The following SCUBE1 variants were observed in gnomAD, a reference collection of about 807,000 sequenced individuals.
SCUBE1 encodes signal peptide, CUB domain and EGF like domain containing 1, also known as signal peptide, CUB and EGF-like domain-containing protein 1.
Under a neutral mutation model 124.4 loss-of-function variants are expected in SCUBE1, and 59 were observed. The observed-to-expected ratio is 0.47, with a 90% confidence interval of 0.38 to 0.59. The LOEUF (loss-of-function observed/expected upper bound fraction) is 0.59, where lower values mean the gene tolerates loss of function less well. Ranked by LOEUF, SCUBE1 falls within the 20% of genes least tolerant of loss-of-function variation. The pLI is 0.00. For synonymous variants in SCUBE1, 545 were observed against 550.9 expected (o/e 0.99, Z 0.15); for missense variants, 1,150 against 1,371.2 (o/e 0.84, Z 2.55).
At chr22:43,230,436 G>T (rs1009550570) in intron 8 of SCUBE1, among the ~76,000 whole-genome samples, 5 of 152,100 alleles carry the variant, frequency 3.3e-5, no homozygotes, top group African/African-American at 1.2e-4. Flanking sequence ...AGCCTGGAAG[G>T]GGGTGGAAAA....
chr22:43,212,683 C>T, intron 16 of SCUBE1, 91 bp from the exon 17 acceptor site: 2 of 1,402,880 alleles, frequency 1.4e-6, no homozygotes, highest in Non-Finnish European at 1.9e-6. Flanking sequence ...TGGCCCTTGC[C>T]CGGCCCTGGA....
At chr22:43,271,914 G>A (rs1403386008) in intron 4 of SCUBE1, among the ~76,000 whole-genome samples, 3 of 152,126 alleles carry the variant, frequency 2.0e-5, no homozygotes, top group Admixed American at 1.3e-4. Flanking sequence ...AGCACTCACC[G>A]GACAGGTGAG....
At chr22:43,271,856 C>T (rs557263793) in intron 4 of SCUBE1, among the ~76,000 whole-genome samples, 1 of 152,304 alleles carries the variant, frequency 6.6e-6, no homozygotes, top group Non-Finnish European at 1.5e-5. Flanking sequence ...GGGCTCTTTG[C>T]AAACATTCCT....
In SCUBE1 at chr22:43,209,504, T is replaced by C. The variant is rs575944409; in HGVS notation, c.2581+539A>G. Among the ~76,000 whole-genome samples the C allele has an allele frequency of 5.9e-5, 9 of 152,238 alleles. No individual in the cohort carries two copies. The South Asian group carries it at 1.9e-3, about 32-fold the overall frequency. Reference sequence around the variant, plus strand: ...TCCAGTCCTCTCTCATGCCATTCCATCCTTCACTCCCTAAAGTCTCAAGAG... The same window carrying C: ...TCCAGTCCTCTCTCATGCCATTCCACCCTTCACTCCCTAAAGTCTCAAGAG... On this transcript the variant is annotated intron_variant, in intron 19 of 21. Transcript: ENST00000360835.
intron 7 of SCUBE1, among the ~76,000 whole-genome samples, chr22:43,235,637 A>G (rs955327790): frequency 2.0e-5 from 3 of 152,142 alleles, no homozygotes; most frequent in Non-Finnish European, 4.4e-5. Flanking sequence ...AGGGAAATGC[A>G]GGCTCCCGCT....
chr22:43,243,594 G>A (rs1044068413), intron 6 of SCUBE1, among the ~76,000 whole-genome samples: 4 of 152,212 alleles, frequency 2.6e-5, no homozygotes, highest in African/African-American at 9.6e-5. Flanking sequence ...TGCTTACGCC[G>A]CCCCAGGTCT....
At chr22:43,280,313 G>A (rs921205880) in intron 4 of SCUBE1, among the ~76,000 whole-genome samples, 1 of 151,800 alleles carries the variant, frequency 6.6e-6, no homozygotes, top group South Asian at 2.1e-4. Flanking sequence ...AACAGGCCTC[G>A]CTGAAGTGTA....
At chr22:43,288,504 G>A (rs895118919) in intron 4 of SCUBE1, among the ~76,000 whole-genome samples, 6 of 152,004 alleles carry the variant, frequency 3.9e-5, no homozygotes, top group Non-Finnish European at 8.8e-5. Flanking sequence ...GGCTCCTCCC[G>A]CTTCGTGCTC....
At chr22:43,204,511 T>C (rs1296456389) in intron 21 of SCUBE1, among the ~76,000 whole-genome samples, 2 of 152,024 alleles carry the variant, frequency 1.3e-5, no homozygotes, top group Non-Finnish European at 2.9e-5. Flanking sequence ...GTTGGCCAGC[T>C]TGGTCTCAGG....
intron 3 of SCUBE1, among the ~76,000 whole-genome samples, chr22:43,302,509 C>T (rs796356159): frequency 5.3e-5 from 8 of 152,256 alleles, no homozygotes; most frequent in African/African-American, 1.9e-4. Context: ...GGCTGGGGCC[C>T]CTGCTCAGAG....
chr22:43,280,081 G>T (rs1168578722), intron 4 of SCUBE1, among the ~76,000 whole-genome samples: 1 of 152,122 alleles, frequency 6.6e-6, no homozygotes, highest in Non-Finnish European at 1.5e-5. Context: ...GGTGGGCAGC[G>T]GCCCTCTGCA....
At chr22:43,262,257 A>C (rs1260703978) in intron 5 of SCUBE1, among the ~76,000 whole-genome samples, 2 of 152,202 alleles carry the variant, frequency 1.3e-5, no homozygotes, top group Admixed American at 6.5e-5. Flanking sequence ...GCCTCCCAAG[A>C]AGCTGGGACT....
Position 43,210,851 on chromosome 22 carries a change from C to A in SCUBE1, c.2383+71G>T. The A allele has an allele frequency of 6.4e-7, 1 of 1,565,620 alleles. No individual in the cohort carries two copies. The highest frequency in any genetic ancestry group is 8.8e-7 in the Non-Finnish European group (1 of 1,141,238). On this transcript the variant is annotated intron_variant, in intron 18 of 21. Transcript: ENST00000360835. The surrounding 1 kb of genome is among the most constrained non-coding windows in gnomAD (Gnocchi z 4.5). ...GTGGAGCTCGTGTGAGATCAGGTCT[C>A]CTCCCGCCCCCACAACCTGCCCAGC...
chr22:43,214,047 GCCCACCCCCCACC>G, intron 16 of SCUBE1, 30 bp downstream of exon 16: 3 of 143,414 alleles, frequency 2.1e-5, no homozygotes, highest in Non-Finnish European at 3.9e-5. Context: ...AGGAGCCCCC[GCCCACCCCCCACC>G]CCCACCTCTC....
Position 43,258,138 on chromosome 22 carries a change from G to C in SCUBE1, c.727+81C>G. 1.0e-6 allele frequency: 1 copy of C among 964,256 alleles called. No homozygotes were observed. The highest frequency in any genetic ancestry group is 1.7e-6 in the Non-Finnish European group (1 of 601,106). The allele number at this position is 964,256 out of a possible 1,614,324, so 59.7% of individuals were successfully genotyped here. A position where few individuals can be genotyped will look rare whatever the true frequency, so the allele number is the denominator to read the frequency against. ...CTTCCGGGGAACCCGGACGTGGCAG[G>C]GTGCTGGCCCTGCTGGTGCACGCAT... On this transcript the variant is annotated intron_variant, in intron 6 of 21. Transcript: ENST00000360835. This position sits in a 1 kb window ranked among gnomAD's most constrained non-coding sequence, Gnocchi z 5.0.
Position 43,270,955 on chromosome 22 carries a change from AC to A in SCUBE1, c.485-8111del, listed in dbSNP as rs59359101. 9.2e-3 allele frequency among the ~76,000 whole-genome samples: 1,398 copies of A among 152,264 alleles called. 23 individuals are homozygous for A. Among genetic ancestry groups the A allele is most frequent in the African/African-American group, 0.032 (1,339 of 41,550 alleles). On this transcript the variant is annotated intron_variant, in intron 4 of 21. Transcript: ENST00000360835. ...CCCCTGCCACCTGCCTCTCCAGCTGACTTGTCCTTCTTCGAGCCCTGGGTGA... is the reference window on the plus strand; with the variant it reads ...CCCCTGCCACCTGCCTCTCCAGCTGATTGTCCTTCTTCGAGCCCTGGGTGA...
In SCUBE1 at chr22:43,238,615, G is replaced by A. The variant is rs574657471; in HGVS notation, c.844+223C>T. 2.4e-4 allele frequency: 153 copies of A among 630,682 alleles called. 1 individual carries two copies. Among genetic ancestry groups the A allele is most frequent in the Non-Finnish European group, 3.5e-4 (120 of 341,372 alleles). 39.1% of individuals were successfully genotyped at this position (630,682 alleles called of 1,614,324 possible). A position where few individuals can be genotyped will look rare whatever the true frequency, so the allele number is the denominator to read the frequency against. On this transcript the variant is annotated intron_variant, in intron 7 of 21. Transcript: ENST00000360835. ...TGGCCCAGGAACCTGCTGATGTGCC[G>A]TGGGACCTGTGTTCTCTCGAACTCT... is the stretch of plus-strand genomic sequence containing the variant.
intron 4 of SCUBE1, chr22:43,282,511 T>A (rs1252576171): frequency 6.6e-6 from 1 of 152,150 alleles, no homozygotes; most frequent in Non-Finnish European, 1.5e-5. Context: ...TGGGCCCAGA[T>A]GACGCTGCCA....
chr22:43,215,781 A>G (rs1017361997), intron 15 of SCUBE1, among the ~76,000 whole-genome samples: 2 of 152,146 alleles, frequency 1.3e-5, no homozygotes, highest in African/African-American at 4.8e-5. Flanking sequence ...GGAGGGTGAC[A>G]TGTCTTTCTG....
Sources: allele counts gnomAD v4.1 joint callset (sites outside exome capture counted in the v4.1 genomes callset), GRCh38; gene constraint gnomAD v4.1.1; non-coding constraint Gnocchi (gnomAD v3.1); transcripts MANE v1.5; gene names NCBI Gene and HGNC (gene_info 2026-07-23, HGNC 2026-07-21).